The following XAB2 variants were observed in gnomAD, a reference collection of about 807,000 sequenced individuals.
XAB2 encodes the protein pre-mRNA-splicing factor SYF1.
XAB2 carries 57 observed loss-of-function variants against 113.4 expected under a neutral mutation model. The observed-to-expected ratio is 0.50, with a 90% CI of 0.41 to 0.63. XAB2 has a LOEUF of 0.63. XAB2 is among the 20% of genes least tolerant of loss of function. The pLI is 0.00. For synonymous variants in XAB2, 497 were observed against 498.8 expected, an observed-to-expected ratio of 1.00 and a Z score of 0.05; for missense variants, 1,037 against 1,233.3, an observed-to-expected ratio of 0.84 and a Z score of 2.38.
In XAB2 at chr19:7,627,876, C is replaced by T. The variant is rs996695927; in HGVS notation, c.201-25G>A. ...GCTGGGGAATAGGAGGGGACAGATG[C>T]TGATCGGTCAGCTTTATGGACACCC... On this transcript the variant is annotated intron_variant, in intron 2 of 18. Coordinates refer to ENST00000358368, the MANE Select transcript of XAB2 (RefSeq NM_020196.3). The surrounding 1 kb of genome is among the most constrained non-coding windows in gnomAD (Gnocchi z 4.5). 1 of 1,604,920 alleles carries T rather than the reference C, an allele frequency of 6.2e-7. No individual in the cohort carries two copies. Among genetic ancestry groups the T allele is most frequent in the African/African-American group, 1.3e-5 (1 of 74,776 alleles).
At position 7,627,830 on chromosome 19, in the gene XAB2, G is replaced by A. The variant is rs781557480; in HGVS notation, c.222C>T (p.Tyr74=). 4 of 1,614,002 alleles carry A rather than the reference G, an allele frequency of 2.5e-6. No individual in the cohort carries two copies. In the South Asian group the frequency reaches 4.4e-5, roughly 18 times the overall value. Residue 74 remains tyrosine, a synonymous_variant, in exon 3 of 19, where the codon TAC becomes TAT. Coordinates refer to ENST00000358368, the MANE Select transcript of XAB2 (RefSeq NM_020196.3). The surrounding 1 kb of genome is among the most constrained non-coding windows in gnomAD (Gnocchi z 4.5). ...LPCSYKLWYR[Y]LKARRAQVKH... The stretch of plus-strand genomic sequence containing the variant: ...TCACCTGTGCCCGACGCGCCTTCAG[G>A]TATCGGTACCAGAGTTTGTAGCTGG...
At position 7,623,094 on chromosome 19, in the gene XAB2, AC is replaced by A; in HGVS notation, c.1239+75del. 6.3e-7 allele frequency: 1 copy of A among 1,589,358 alleles called. No homozygotes were observed. Among genetic ancestry groups the A allele is most frequent in the Non-Finnish European group, 8.6e-7 (1 of 1,167,024 alleles). On this transcript the variant is annotated intron_variant, in intron 9 of 18. Transcript: ENST00000358368. The surrounding 1 kb of genome is among the most constrained non-coding windows in gnomAD (Gnocchi z 4.6). ...TGCACACATCCATGCACAAATATGT[AC>A]ACACACATACATGCACACATATACA... is the stretch of plus-strand genomic sequence containing the variant.
chr19:7,620,055 GC>G lies in XAB2; in HGVS notation c.2286del (p.Gln763ArgfsTer7). The G allele has an allele frequency of 6.2e-7, 1 of 1,612,022 alleles. No individual in the cohort carries two copies. ...ATGTVSDLAP[G>X]QSGMDDMKLL... ...AGCTTCATGTCGTCCATGCCACTCTGCCCAGGGGCCAGGTCAGACACTAGGG... is the reference window on the plus strand; with the variant it reads ...AGCTTCATGTCGTCCATGCCACTCTGCCAGGGGCCAGGTCAGACACTAGGG... On this transcript the variant is annotated frameshift_variant, in exon 17 of 19. Transcript: ENST00000358368. LOFTEE classifies it high-confidence loss of function.
In XAB2 at chr19:7,623,092, G is replaced by C; in HGVS notation, c.1239+78C>G. ...CGTGCACACATCCATGCACAAATAT[G>C]TACACACACATACATGCACACATAT... is the stretch of plus-strand genomic sequence containing the variant. On this transcript the variant is annotated intron_variant, in intron 9 of 18. Transcript: ENST00000358368. This position sits in a 1 kb window ranked among gnomAD's most constrained non-coding sequence, Gnocchi z 4.6. The C allele has an allele frequency of 2.5e-6, 4 of 1,587,422 alleles. No homozygotes were observed. Among genetic ancestry groups the C allele is most frequent in the Non-Finnish European group, 3.4e-6 (4 of 1,166,442 alleles).
In XAB2 at chr19:7,624,578, G is replaced by A. The variant is rs2031101509; in HGVS notation, c.823-133C>T. Reference sequence around the variant, plus strand: ...GTGACGCATCCAGCACCTCTGGGTAGTGACCCCAGGACAGAGCCTCCGTGG... The same window carrying A: ...GTGACGCATCCAGCACCTCTGGGTAATGACCCCAGGACAGAGCCTCCGTGG... On this transcript the variant is annotated intron_variant, in intron 6 of 18. Transcript: ENST00000358368. The surrounding 1 kb of genome is among the most constrained non-coding windows in gnomAD (Gnocchi z 4.2). The A allele has an allele frequency of 2.9e-6, 4 of 1,356,308 alleles. No homozygotes were observed. The East Asian group carries it at 7.3e-5, about 25-fold the overall frequency. 84.0% of individuals were successfully genotyped at this position (1,356,308 alleles called of 1,614,324 possible).
rs750831742 is a variant in XAB2 at position 7,627,232 on chromosome 19, G to A, written c.522+11C>T. On this transcript the variant is annotated intron_variant, in intron 4 of 18. Coordinates refer to ENST00000358368, the MANE Select transcript of XAB2 (RefSeq NM_020196.3). The surrounding 1 kb of genome is among the most constrained non-coding windows in gnomAD (Gnocchi z 4.5). ...ACTAACCTGGGGAACCAGCGCACCTGCTAGGCTCACCTTGAGGAAGCGCCG... is the reference window on the plus strand; with the variant it reads ...ACTAACCTGGGGAACCAGCGCACCTACTAGGCTCACCTTGAGGAAGCGCCG... The A allele has an allele frequency of 4.3e-6, 7 of 1,610,742 alleles. No individual in the cohort carries two copies. The highest frequency in any genetic ancestry group is 5.9e-6 in the Non-Finnish European group (7 of 1,179,854).
chr19:7,627,236 G>T lies in XAB2; in HGVS notation c.522+7C>A, dbSNP rs2031157927. On this transcript the variant is annotated splice_region_variant and intron_variant, in intron 4 of 18. Coordinates refer to ENST00000358368, the MANE Select transcript of XAB2 (RefSeq NM_020196.3). The surrounding 1 kb of genome is among the most constrained non-coding windows in gnomAD (Gnocchi z 4.5). Reference sequence around the variant, plus strand: ...ACCTGGGGAACCAGCGCACCTGCTAGGCTCACCTTGAGGAAGCGCCGATAG... The same window carrying T: ...ACCTGGGGAACCAGCGCACCTGCTATGCTCACCTTGAGGAAGCGCCGATAG... 6.2e-7 allele frequency: 1 copy of T among 1,611,390 alleles called. No individual in the cohort carries two copies. The highest frequency in any genetic ancestry group is 8.5e-7 in the Non-Finnish European group (1 of 1,179,872).
In XAB2 at chr19:7,624,762, C is replaced by A. The variant is rs370645942; in HGVS notation, c.823-317G>T. On this transcript the variant is annotated intron_variant, in intron 6 of 18. Transcript: ENST00000358368. This position sits in a 1 kb window ranked among gnomAD's most constrained non-coding sequence, Gnocchi z 4.2. ...TTGGCACCCAATAGGTGGCCAAAAA[C>A]CCCCCAGCGCCTATGGGTCCACCCT... Among the ~76,000 whole-genome samples the A allele has an allele frequency of 1.2e-4, 19 of 152,262 alleles. No individual in the cohort carries two copies. In the East Asian group the frequency reaches 3.3e-3, roughly 26 times the overall value.
At position 7,619,991 on chromosome 19, in the gene XAB2, T is replaced by G. The variant is rs1438314787; in HGVS notation, c.2351A>C (p.Glu784Ala). ...QRAEQLAAEA[E>A]RDQPLRAQSK... The stretch of plus-strand genomic sequence containing the variant: ...CTGGGCGCGCAAGGGCTGGTCACGC[T>G]CCGCCTCAGCCGCCAGCTGCTCTGC... Residue 784 changes from glutamate (E) to alanine (A), a missense_variant, in exon 17 of 19, where the codon GAG becomes GCG. Physicochemically the swap from Glu to Ala is moderately radical, Grantham distance 107 (BLOSUM62 -1). Transcript: ENST00000358368. 1 of 1,612,148 alleles carries G rather than the reference T, an allele frequency of 6.2e-7. No homozygotes were observed. The highest frequency in any genetic ancestry group is 2.2e-5 in the East Asian group (1 of 44,896).
rs1247251380 is a variant in XAB2, at chr19:7,627,785, G to A, written c.267C>T (p.Asp89=). Residue 89 remains aspartate, a synonymous_variant, in exon 3 of 19, where the codon GAC becomes GAT. Transcript: ENST00000358368. The surrounding 1 kb of genome is among the most constrained non-coding windows in gnomAD (Gnocchi z 4.5). ...AGTTGTTGACATCTTCATAGGCAGG[G>A]TCGGTCACACAGCGATGCTTCACCT... ...RAQVKHRCVT[D]PAYEDVNNCH... 2.5e-6 allele frequency: 4 copies of A among 1,614,102 alleles called. No homozygotes were observed. In the Admixed American group the frequency reaches 5.0e-5, roughly 20 times the overall value.
chr19:7,620,113 C>T (rs1485938864), intron 16 of XAB2, 38 bp from the exon 17 acceptor site: 1 of 1,603,968 alleles, frequency 6.2e-7, no homozygotes, highest in Non-Finnish European at 8.5e-7. Flanking sequence ...CCACGGGGGC[C>T]CCTCCCACAC....
At position 7,628,332 on chromosome 19, in the gene XAB2, C is replaced by G; in HGVS notation, c.52-34G>C. ...GCCAGGGAATGGGAAGAAGAGAGGC[C>G]TACCCTCAGAGCCTGTGTGCAGCAC... On this transcript the variant is annotated intron_variant, in intron 1 of 18. Transcript: ENST00000358368. The surrounding 1 kb of genome is among the most constrained non-coding windows in gnomAD (Gnocchi z 4.6). The G allele has an allele frequency of 6.2e-7, 1 of 1,613,038 alleles. No individual in the cohort carries two copies. Among genetic ancestry groups the G allele is most frequent in the Non-Finnish European group, 8.5e-7 (1 of 1,179,846 alleles).
Position 7,623,682 on chromosome 19 carries a change from C to T in XAB2, c.1119+49G>A. 6.5e-7 allele frequency: 1 copy of T among 1,533,150 alleles called. No individual in the cohort carries two copies. Among genetic ancestry groups the T allele is most frequent in the Non-Finnish European group, 8.7e-7 (1 of 1,145,320 alleles). The allele number at this position is 1,533,150 out of a possible 1,614,324, so 95.0% of individuals were successfully genotyped here. A position where few individuals can be genotyped will look rare whatever the true frequency, so the allele number is the denominator to read the frequency against. On this transcript the variant is annotated intron_variant, in intron 8 of 18. Transcript: ENST00000358368. The surrounding 1 kb of genome is among the most constrained non-coding windows in gnomAD (Gnocchi z 4.6). ...GGTGAAGGTGGGTGGCTCCCCAGTT[C>T]TGCAGGAAACTGGCCCTCAGGGGTA... is the stretch of plus-strand genomic sequence containing the variant.
rs1871213303 is a variant in XAB2 at position 7,626,018 on chromosome 19, G to C, written c.684C>G (p.Ile228Met). The change falls in exon 6 of 19, where the codon ATC (isoleucine) becomes ATG (methionine). Residue 228 changes from isoleucine to methionine, a missense_variant. By Grantham distance (10) the Ile-to-Met change is conservative. Coordinates refer to ENST00000358368, the MANE Select transcript of XAB2 (RefSeq NM_020196.3). ...ACTGTACCTTGTCCGGATTCTGGGAGATGAGGTCGCACAGCTCGTGCCACA... is the reference window on the plus strand; with the variant it reads ...ACTGTACCTTGTCCGGATTCTGGGACATGAGGTCGCACAGCTCGTGCCACA... ...YQLWHELCDL[I>M]SQNPDKVQSL... The C allele has an allele frequency of 6.2e-7, 1 of 1,611,706 alleles. No individual in the cohort carries two copies. The highest frequency in any genetic ancestry group is 8.5e-7 in the Non-Finnish European group (1 of 1,178,186).
Position 7,622,821 on chromosome 19 carries a change from G to A in XAB2, c.1312C>T (p.Gln438Ter). 1 of 1,614,084 alleles carries A rather than the reference G, an allele frequency of 6.2e-7. No individual in the cohort carries two copies. The highest frequency in any genetic ancestry group is 8.5e-7 in the Non-Finnish European group (1 of 1,180,030). ...TGTCGGAGCTCCAGCTCTCCGCACTGACACCACACGCTTGCCAGGTCATCC... is the reference window on the plus strand; with the variant it reads ...TGTCGGAGCTCCAGCTCTCCGCACTAACACCACACGCTTGCCAGGTCATCC... ...QVDDLASVWC[Q>*]CGELELRHEN... The change falls in exon 10 of 19, where the codon CAG becomes TAG. Residue 438 changes from glutamine (Q) to a stop codon, truncating the protein, a stop_gained. Transcript: ENST00000358368. LOFTEE classifies it high-confidence loss of function.
rs1287751181 is a variant in XAB2 at position 7,627,887 on chromosome 19, G to A, written c.201-36C>T. On this transcript the variant is annotated intron_variant, in intron 2 of 18. Transcript: ENST00000358368. The surrounding 1 kb of genome is among the most constrained non-coding windows in gnomAD (Gnocchi z 4.5). ...GGAGGGGACAGATGCTGATCGGTCAGCTTTATGGACACCCCCAGAACCATT... is the reference window on the plus strand; with the variant it reads ...GGAGGGGACAGATGCTGATCGGTCAACTTTATGGACACCCCCAGAACCATT... 3 of 1,598,690 alleles carry A rather than the reference G, an allele frequency of 1.9e-6. No homozygotes were observed. Among genetic ancestry groups the A allele is most frequent in the Non-Finnish European group, 2.6e-6 (3 of 1,168,208 alleles).
chr19:7,623,017 C>A lies in XAB2; in HGVS notation c.1240-124G>T. The A allele has an allele frequency of 6.5e-7, 1 of 1,539,776 alleles. No homozygotes were observed. Among genetic ancestry groups the A allele is most frequent in the Non-Finnish European group, 8.7e-7 (1 of 1,143,550 alleles). On this transcript the variant is annotated intron_variant, in intron 9 of 18. Transcript: ENST00000358368. This position sits in a 1 kb window ranked among gnomAD's most constrained non-coding sequence, Gnocchi z 4.6. ...ACAAACACACAGGCACACACACAGG[C>A]ACACACATGCGTGCACATATGCATG...
Position 7,627,777 on chromosome 19 carries a change from T to C in XAB2, c.275A>G (p.Tyr92Cys), listed in dbSNP as rs780364005. The C allele has an allele frequency of 6.8e-6, 11 of 1,613,856 alleles. No individual in the cohort carries two copies. Among genetic ancestry groups the C allele is most frequent in the Non-Finnish European group, 9.3e-6 (11 of 1,179,978 alleles). Residue 92 changes from tyrosine (Y) to cysteine (C), a missense_variant, in exon 3 of 19, where the codon TAT becomes TGT. Coordinates refer to ENST00000358368, the MANE Select transcript of XAB2 (RefSeq NM_020196.3). The surrounding 1 kb of genome is among the most constrained non-coding windows in gnomAD (Gnocchi z 4.5). ...VKHRCVTDPA[Y>C]EDVNNCHERA... ...CTCATGACAGTTGTTGACATCTTCA[T>C]AGGCAGGGTCGGTCACACAGCGATG...
rs2030980297 is a variant in XAB2, at chr19:7,619,572, G to C, written c.*14C>G. 6.7e-7 allele frequency: 1 copy of C among 1,489,802 alleles called. No homozygotes were observed. Among genetic ancestry groups the C allele is most frequent in the Non-Finnish European group, 9.0e-7 (1 of 1,113,560 alleles). 92.3% of individuals were successfully genotyped at this position (1,489,802 alleles called of 1,614,324 possible). On this transcript the variant is annotated 3_prime_UTR_variant, in exon 19 of 19. Transcript: ENST00000358368. Reference sequence around the variant, plus strand: ...TGGGGAGGGGGTGGGGAGGGGGGATGGGGGAGGGACGGGTCAGTCTTCCTT... The same window carrying C: ...TGGGGAGGGGGTGGGGAGGGGGGATCGGGGAGGGACGGGTCAGTCTTCCTT...
Sources: allele counts gnomAD v4.1 joint callset (sites outside exome capture counted in the v4.1 genomes callset), GRCh38; gene constraint gnomAD v4.1.1; non-coding constraint Gnocchi (gnomAD v3.1); transcripts MANE v1.5; gene names NCBI Gene and HGNC (gene_info 2026-07-23, HGNC 2026-07-21).